The following CALD1 variants were observed in gnomAD, a reference collection of about 807,000 sequenced individuals.
CALD1 encodes caldesmon.
A neutral mutation model predicts 99.9 loss-of-function variants in CALD1; 33 were observed. The ratio of observed to expected loss-of-function variants is 0.33; its 90% CI spans 0.25 to 0.44. The LOEUF (loss-of-function observed/expected upper bound fraction) is 0.44. CALD1 is among the 20% of genes least tolerant of loss of function. The pLI is 1.00. For missense variants in CALD1, 861 were observed against 962.1 expected, an observed-to-expected ratio of 0.89 and a Z score of 1.39; for synonymous variants, 310 against 325.0, an observed-to-expected ratio of 0.95 and a Z score of 0.50.
intron 7 of CALD1, among the ~76,000 whole-genome samples, chr7:134,942,018 G>A (rs1054881735): frequency 2.0e-5 from 3 of 152,168 alleles, no homozygotes; most frequent in Admixed American, 2.0e-4. Context: ...AACTTGAGGT[G>A]CAGACACTGG....
intron 3 of CALD1, among the ~76,000 whole-genome samples, chr7:134,907,759 C>A (rs76309194): frequency 6.6e-6 from 1 of 152,232 alleles, no homozygotes; most frequent in Non-Finnish European, 1.5e-5. Flanking sequence ...AGTCCCCCCC[C>A]GCCTTTTCAT....
At chr7:134,926,126 T>C (rs1381408718) in intron 3 of CALD1, among the ~76,000 whole-genome samples, 2 of 152,168 alleles carry the variant, frequency 1.3e-5, no homozygotes, top group Non-Finnish European at 2.9e-5. Flanking sequence ...AAGTCTAAAA[T>C]TGAACTCATT....
intron 1 of CALD1, among the ~76,000 whole-genome samples, chr7:134,763,641 T>G (rs1189655532): frequency 6.6e-6 from 1 of 152,132 alleles, no homozygotes; most frequent in Non-Finnish European, 1.5e-5. Context: ...TCCCACTAGC[T>G]GGGCGCAATG....
chr7:134,968,859 TA>T lies in CALD1; in HGVS notation c.*526del, dbSNP rs199709365. On this transcript the variant is annotated 3_prime_UTR_variant, in exon 15 of 15. Coordinates refer to ENST00000361675, the MANE Select transcript of CALD1 (RefSeq NM_033138.4). ...GAAATACTGCAATAATGGTTGTCTTTAAAAAAAAAAAAGAAATGTACTGTTA... is the reference window on the plus strand; with the variant it reads ...GAAATACTGCAATAATGGTTGTCTTTAAAAAAAAAAAGAAATGTACTGTTA... The T allele has an allele frequency of 0.032, 5,278 of 163,258 alleles. 17 individuals are homozygous for T. Among genetic ancestry groups the T allele is most frequent in the South Asian group, 0.068 (484 of 7,128 alleles). 10.1% of individuals were successfully genotyped at this position (163,258 alleles called of 1,614,324 possible). A position where few individuals can be genotyped will look rare whatever the true frequency, so the allele number is the denominator to read the frequency against.
At chr7:134,749,357 C>T (rs1274676680) in intron 1 of CALD1, among the ~76,000 whole-genome samples, 6 of 152,300 alleles carry the variant, frequency 3.9e-5, no homozygotes, top group East Asian at 1.9e-4. Flanking sequence ...TGGTGGCTCA[C>T]GCCTGTAATT....
intron 1 of CALD1, among the ~76,000 whole-genome samples, chr7:134,842,284 A>C (rs932524728): frequency 6.6e-6 from 1 of 152,244 alleles, no homozygotes; most frequent in Non-Finnish European, 1.5e-5. Context: ...AAATGACTTC[A>C]GCCAAGAAAC....
Position 134,873,528 on chromosome 7 carries a change from T to TTATGTGTGTCTC in CALD1, c.71+5735_71+5736insCTATGTGTGTCT, listed in dbSNP as rs1195577902. On this transcript the variant is annotated intron_variant, in intron 3 of 14. Coordinates refer to ENST00000361675, the MANE Select transcript of CALD1 (RefSeq NM_033138.4). ...CAAGTATAAAAAAGTGCTAGACATT[T>TTATGTGTGTCTC]TATGTGTGTCTAGTAAAGACGGACC... 5.9e-5 allele frequency among the ~76,000 whole-genome samples: 9 copies of TTATGTGTGTCTC among 152,340 alleles called. No individual in the cohort carries two copies. The East Asian group carries it at 1.3e-3, about 23-fold the overall frequency.
chr7:134,926,972 T>C lies in CALD1; in HGVS notation c.72-1782T>C, dbSNP rs547165980. 6.9e-4 allele frequency among the ~76,000 whole-genome samples: 105 copies of C among 152,342 alleles called. 2 individuals are homozygous for C. In the South Asian group the frequency reaches 0.02, roughly 29 times the overall value. On this transcript the variant is annotated intron_variant, in intron 3 of 14. Coordinates refer to ENST00000361675, the MANE Select transcript of CALD1 (RefSeq NM_033138.4). ...ATTATTAGCATGAAATGTTTACATA[T>C]CTGGGTTTCTATTTTGTAGATATGT...
chr7:134,765,716 A>G (rs1308868957), intron 1 of CALD1, among the ~76,000 whole-genome samples: 1 of 152,054 alleles, frequency 6.6e-6, no homozygotes, highest in Non-Finnish European at 1.5e-5. Flanking sequence ...ATGGGGATGG[A>G]TTTCTCATGA....
chr7:134,893,978 G>T (rs953990637), intron 3 of CALD1, among the ~76,000 whole-genome samples: 10 of 152,130 alleles, frequency 6.6e-5, no homozygotes, highest in Non-Finnish European at 1.0e-4. Flanking sequence ...GAAAAATGCG[G>T]GGAATCTGCA....
intron 3 of CALD1, among the ~76,000 whole-genome samples, chr7:134,907,303 G>C (rs980212854): frequency 1.3e-5 from 2 of 152,076 alleles, no homozygotes; most frequent in Non-Finnish European, 2.9e-5. Context: ...TACCTTGTGA[G>C]AAGAGGAAGA....
At chr7:134,872,458 C>T (rs1467032102) in intron 3 of CALD1, among the ~76,000 whole-genome samples, 2 of 151,420 alleles carry the variant, frequency 1.3e-5, no homozygotes, top group East Asian at 3.9e-4. Flanking sequence ...TTCCATTTGG[C>T]TTTCTCACTC....
At chr7:134,771,369 C>T (rs1370788585) in intron 1 of CALD1, among the ~76,000 whole-genome samples, 2 of 152,140 alleles carry the variant, frequency 1.3e-5, no homozygotes, top group Non-Finnish European at 2.9e-5. Context: ...CAGGGGTGCC[C>T]GTTCTATTCA....
At chr7:134,762,918 A>G (rs563317436) in intron 1 of CALD1, among the ~76,000 whole-genome samples, 1 of 152,316 alleles carries the variant, frequency 6.6e-6, no homozygotes, top group East Asian at 1.9e-4. Flanking sequence ...GGAAGTTAAA[A>G]TGCTCTAAAA....
At chr7:134,826,011 C>T (rs938075306) in intron 1 of CALD1, among the ~76,000 whole-genome samples, 6 of 152,062 alleles carry the variant, frequency 3.9e-5, no homozygotes, top group African/African-American at 1.4e-4. Context: ...ATCATTCCAT[C>T]CTGTAAACTG....
At chr7:134,780,606 T>C (rs1275788779) in intron 1 of CALD1, among the ~76,000 whole-genome samples, 1 of 152,164 alleles carries the variant, frequency 6.6e-6, no homozygotes, top group Non-Finnish European at 1.5e-5. Flanking sequence ...TATTTGGGTG[T>C]CTGAAACAGT....
intron 9 of CALD1, among the ~76,000 whole-genome samples, chr7:134,954,793 G>A (rs929850051): frequency 3.9e-5 from 6 of 152,142 alleles, no homozygotes; most frequent in African/African-American, 1.2e-4. Context: ...ACCACGCTGC[G>A]TGCCTTGTGG....
chr7:134,736,132 T>A, the CALD1 span, among the ~76,000 whole-genome samples: 6 of 152,230 alleles, frequency 3.9e-5, no homozygotes, highest in Non-Finnish European at 7.3e-5. Context: ...TTCTCCTTTA[T>A]GTGTCTATTG....
chr7:134,904,797 A>C (rs970346068), intron 3 of CALD1, among the ~76,000 whole-genome samples: 1 of 152,112 alleles, frequency 6.6e-6, no homozygotes, highest in African/African-American at 2.4e-5. Context: ...GTATTAAACC[A>C]GCCCCAAAGA....
Sources: allele counts gnomAD v4.1 joint callset (sites outside exome capture counted in the v4.1 genomes callset), GRCh38; gene constraint gnomAD v4.1.1; transcripts MANE v1.5; gene names NCBI Gene and HGNC (gene_info 2026-07-23, HGNC 2026-07-21).